Variants in UGGT2 observed in about 807,000 individuals in gnomAD.
UGGT2 encodes UDP-glucose:glycoprotein glucosyltransferase 2.
UGGT2 carries 180 observed loss-of-function variants against 192.1 expected under a neutral mutation model. That is an observed-to-expected ratio of 0.94 (90% CI 0.83 to 1.06). UGGT2 has a LOEUF of 1.06. UGGT2 is among the 50% of genes least tolerant of loss of function. UGGT2 has a pLI of 0.00. For synonymous variants in UGGT2, 580 were observed against 591.0 expected (o/e 0.98, Z 0.27); for missense variants, 1,849 against 1,795.7 (o/e 1.03, Z -0.54).
At position 95,925,787 on chromosome 13, in the gene UGGT2, A is replaced by G. The variant is rs1202372831; in HGVS notation, c.2201-13T>C. ...ATTATACTCTCATCTGAAAGTTTCAAACAGTTTACTCAAATTAACTTTTTT... is the reference window on the plus strand; with the variant it reads ...ATTATACTCTCATCTGAAAGTTTCAGACAGTTTACTCAAATTAACTTTTTT... On this transcript the variant is annotated splice_polypyrimidine_tract_variant and intron_variant, in intron 19 of 38. Coordinates refer to ENST00000376747, the MANE Select transcript of UGGT2 (RefSeq NM_020121.4). 6.6e-7 allele frequency: 1 copy of G among 1,522,356 alleles called. No homozygotes were observed. The allele number at this position is 1,522,356 out of a possible 1,614,324, so 94.3% of individuals were successfully genotyped here.
chr13:95,806,276 T>C (rs1268593758), intron 38 of UGGT2, among the ~76,000 whole-genome samples: 3 of 152,188 alleles, frequency 2.0e-5, no homozygotes, highest in Non-Finnish European at 4.4e-5. Flanking sequence ...AGCCTGGGCA[T>C]CAGATTTATG....
chr13:95,905,436 C>T (rs540945547), intron 20 of UGGT2, among the ~76,000 whole-genome samples: 6 of 151,932 alleles, frequency 3.9e-5, no homozygotes, highest in Admixed American at 3.9e-4. Context: ...TTAGGTCTAA[C>T]GTTTAAGTCT....
chr13:95,820,698 C>G (rs1039274508), intron 38 of UGGT2, among the ~76,000 whole-genome samples: 1 of 151,652 alleles, frequency 6.6e-6, no homozygotes, highest in Non-Finnish European at 1.5e-5. Context: ...TTAGTGTACC[C>G]GTCACCTGAG....
rs533726361 is a variant in UGGT2, at chr13:95,801,646, A to G, written c.*144T>C. 1.5e-5 allele frequency: 11 copies of G among 729,154 alleles called. No individual in the cohort carries two copies. In the South Asian group the frequency reaches 2.4e-4, roughly 16 times the overall value. The allele number at this position is 729,154 out of a possible 1,614,324, so 45.2% of individuals were successfully genotyped here. The stretch of plus-strand genomic sequence containing the variant: ...ATTCAATACATTAAATAACTGTTTT[A>G]AATAATTACAATTTTTTAAAATTAA... On this transcript the variant is annotated 3_prime_UTR_variant, in exon 39 of 39. Coordinates refer to ENST00000376747, the MANE Select transcript of UGGT2 (RefSeq NM_020121.4).
intron 36 of UGGT2, among the ~76,000 whole-genome samples, chr13:95,850,495 T>A (rs1888930146): frequency 6.6e-6 from 1 of 152,114 alleles, no homozygotes; most frequent in Non-Finnish European, 1.5e-5. Context: ...CAAAATTATG[T>A]GGTTTGTGGA....
At chr13:95,942,069 A>G (rs1169355673) in intron 15 of UGGT2, among the ~76,000 whole-genome samples, 1 of 152,116 alleles carries the variant, frequency 6.6e-6, no homozygotes, top group South Asian at 2.1e-4. Context: ...CTTGCATATG[A>G]TATTTCATTC....
chr13:95,885,546 A>G (rs1332261665), intron 26 of UGGT2, among the ~76,000 whole-genome samples: 2 of 152,206 alleles, frequency 1.3e-5, no homozygotes, highest in African/African-American at 4.8e-5. Flanking sequence ...TAATTGCAGA[A>G]GGGAAATTCC....
chr13:95,978,429 C>T (rs2051009066), intron 10 of UGGT2, among the ~76,000 whole-genome samples: 1 of 152,052 alleles, frequency 6.6e-6, no homozygotes. Flanking sequence ...GTTATCAATC[C>T]CTTGACTGTT....
chr13:95,881,703 T>C (rs1053146559), intron 27 of UGGT2, among the ~76,000 whole-genome samples: 6 of 152,246 alleles, frequency 3.9e-5, no homozygotes, highest in Non-Finnish European at 8.8e-5. Flanking sequence ...CAATCTTTTA[T>C]TTATTGCATC....
chr13:95,927,403 G>A, intron 17 of UGGT2, 67 bp from the exon 18 acceptor site: 8 of 1,327,512 alleles, frequency 6.0e-6, no homozygotes, highest in South Asian at 1.6e-5. Flanking sequence ...AAAGTATGCA[G>A]ATAACACAAA....
chr13:95,908,134 G>A (rs1287136253), intron 20 of UGGT2, among the ~76,000 whole-genome samples: 1 of 152,148 alleles, frequency 6.6e-6, no homozygotes, highest in African/African-American at 2.4e-5. Context: ...CAATCAAGTG[G>A]AAGAAAGGGT....
intron 20 of UGGT2, among the ~76,000 whole-genome samples, chr13:95,914,506 G>A (rs1045092304): frequency 6.6e-6 from 1 of 151,382 alleles, no homozygotes; most frequent in Non-Finnish European, 1.5e-5. Flanking sequence ...TGGGCTCAGT[G>A]GCTCCTGCCT....
At chr13:95,907,563 A>AT (rs1566673407) in intron 20 of UGGT2, among the ~76,000 whole-genome samples, 1 of 152,200 alleles carries the variant, frequency 6.6e-6, no homozygotes, top group Non-Finnish European at 1.5e-5. Flanking sequence ...TCAGGCAGCA[A>AT]TATTTGCTGT....
chr13:96,016,183 G>A (rs1162605069), intron 4 of UGGT2, among the ~76,000 whole-genome samples: 1 of 152,192 alleles, frequency 6.6e-6, no homozygotes, highest in Non-Finnish European at 1.5e-5. Flanking sequence ...ATATTTAAGA[G>A]GGAAGCAGAA....
chr13:96,046,660 C>T (rs899574592), intron 1 of UGGT2, among the ~76,000 whole-genome samples: 3 of 152,176 alleles, frequency 2.0e-5, no homozygotes, highest in Admixed American at 6.5e-5. Flanking sequence ...TGAGCCGAAG[C>T]GGGGCAAGGC....
chr13:95,839,738 C>T (rs1887666814), intron 36 of UGGT2, among the ~76,000 whole-genome samples: 1 of 152,146 alleles, frequency 6.6e-6, no homozygotes, highest in Admixed American at 6.5e-5. Flanking sequence ...GTACACTATT[C>T]TACATTCCAA....
At chr13:95,936,862 T>A in intron 17 of UGGT2, 62 bp downstream of exon 17, 2 of 1,347,144 alleles carry the variant, frequency 1.5e-6, no homozygotes, top group Admixed American at 5.7e-5. Flanking sequence ...TTAAAATAAG[T>A]TTTTAATAAA....
At chr13:95,961,736 T>C (rs141677790) in intron 12 of UGGT2, among the ~76,000 whole-genome samples, 19 of 152,234 alleles carry the variant, frequency 1.2e-4, no homozygotes, top group South Asian at 2.1e-4. Context: ...TTTGATGAAA[T>C]AGACTTTAGA....
intron 5 of UGGT2, among the ~76,000 whole-genome samples, chr13:96,003,189 A>T (rs997757375): frequency 4.6e-5 from 7 of 152,132 alleles, no homozygotes; most frequent in African/African-American, 1.4e-4. Context: ...GTCTCACCAG[A>T]CTCATGCCAG....
Sources: allele counts gnomAD v4.1 joint callset (sites outside exome capture counted in the v4.1 genomes callset), GRCh38; gene constraint gnomAD v4.1.1; transcripts MANE v1.5; gene names NCBI Gene and HGNC (gene_info 2026-07-23, HGNC 2026-07-21).